CDH6: variants seen among roughly 807,000 people sequenced by gnomAD.
The protein encoded by CDH6 is cadherin-6.
In CDH6, 31 loss-of-function variants were observed where a neutral mutation model predicts 78.0. The observed-to-expected ratio is 0.40, with a 90% confidence interval of 0.30 to 0.54. CDH6 has a LOEUF of 0.54. Among genes scored for constraint, CDH6 ranks in the 20% least tolerant of loss-of-function variants. The pLI is 0.56. For missense variants in CDH6, 724 were observed against 975.9 expected (o/e 0.74, Z 3.44); for synonymous variants, 376 against 368.8 (o/e 1.02, Z -0.23).
At chr5:31,298,159 G>A (rs1434756203) in intron 4 of CDH6, among the ~76,000 whole-genome samples, 1 of 152,138 alleles carries the variant, frequency 6.6e-6, no homozygotes, top group Non-Finnish European at 1.5e-5. Flanking sequence ...CCACAAAGTA[G>A]CAACCTATCT....
At chr5:31,223,891 G>A (rs1465478520) in intron 1 of CDH6, among the ~76,000 whole-genome samples, 12 of 152,178 alleles carry the variant, frequency 7.9e-5, no homozygotes, top group Admixed American at 7.9e-4. Context: ...CTGCCCTGCT[G>A]CATAGAGAAA....
chr5:31,252,986 C>T (rs1430618133), intron 1 of CDH6, among the ~76,000 whole-genome samples: 1 of 152,144 alleles, frequency 6.6e-6, no homozygotes, highest in East Asian at 1.9e-4. Flanking sequence ...GCTGTTATAA[C>T]AAAAATACCA....
chr5:31,328,375 T>C lies in CDH6; in HGVS notation c.*5067T>C, dbSNP rs1423679198. On this transcript the variant is annotated 3_prime_UTR_variant, in exon 12 of 12. Transcript: ENST00000265071. ...GGCACCTTCTCTAAGCTTTTAGTTT[T>C]CTATGATCTATTAGTTTAGTGTTTA... The C allele has an allele frequency of 1.0e-5, 2 of 200,292 alleles. No homozygotes were observed. The highest frequency in any genetic ancestry group is 2.1e-5 in the Non-Finnish European group (2 of 97,142). The allele number at this position is 200,292 out of a possible 1,614,324, so 12.4% of individuals were successfully genotyped here.
At chr5:31,305,501 A>G (rs1219485401) in intron 7 of CDH6, 74 bp downstream of exon 7, 3 of 1,446,572 alleles carry the variant, frequency 2.1e-6, no homozygotes, top group Middle Eastern at 1.8e-4. Flanking sequence ...CCTGCACTTG[A>G]GAAAAGATGA....
chr5:31,197,570 T>C (rs1478734531), intron 1 of CDH6, among the ~76,000 whole-genome samples: 3 of 152,212 alleles, frequency 2.0e-5, no homozygotes, highest in Non-Finnish European at 2.9e-5. Flanking sequence ...CTGGTTTAAA[T>C]ATTTTTCTGA....
intron 2 of CDH6, among the ~76,000 whole-genome samples, chr5:31,287,314 T>A (rs1488789854): frequency 6.6e-6 from 1 of 152,112 alleles, no homozygotes; most frequent in Non-Finnish European, 1.5e-5. Flanking sequence ...GAATGGAGAC[T>A]AAGATCAGTT....
chr5:31,214,485 C>T (rs1197357388), intron 1 of CDH6, among the ~76,000 whole-genome samples: 1 of 152,166 alleles, frequency 6.6e-6, no homozygotes, highest in Non-Finnish European at 1.5e-5. Context: ...AGGATGACTG[C>T]TCTCTGCAGA....
chr5:31,288,695 C>G (rs1489138181), intron 2 of CDH6, among the ~76,000 whole-genome samples: 1 of 152,146 alleles, frequency 6.6e-6, no homozygotes, highest in African/African-American at 2.4e-5. Flanking sequence ...GCTGTAATTC[C>G]TGTTTCTTTC....
At chr5:31,220,862 G>A (rs1164721988) in intron 1 of CDH6, among the ~76,000 whole-genome samples, 1 of 152,162 alleles carries the variant, frequency 6.6e-6, no homozygotes, top group Non-Finnish European at 1.5e-5. Context: ...GTCAGCATGG[G>A]TAAGGAGTGT....
intron 1 of CDH6, among the ~76,000 whole-genome samples, chr5:31,236,094 T>C (rs1020973101): frequency 1.3e-5 from 2 of 152,206 alleles, no homozygotes; most frequent in African/African-American, 4.8e-5. Context: ...TAAAAATATA[T>C]AACAATTTAT....
At chr5:31,296,777 C>G (rs932360500) in intron 3 of CDH6, among the ~76,000 whole-genome samples, 3 of 136,604 alleles carry the variant, frequency 2.2e-5, no homozygotes, top group African/African-American at 7.5e-5. Flanking sequence ...CTGTGATTTT[C>G]TATTCTATCC....
intron 7 of CDH6, among the ~76,000 whole-genome samples, chr5:31,306,750 A>T (rs1738002534): frequency 1.3e-5 from 2 of 152,140 alleles, no homozygotes; most frequent in Admixed American, 1.3e-4. Context: ...TGAAGCTTAC[A>T]TTCTAATTGG....
intron 1 of CDH6, among the ~76,000 whole-genome samples, chr5:31,209,880 C>A (rs1164743784): frequency 6.6e-6 from 1 of 152,014 alleles, no homozygotes; most frequent in East Asian, 1.9e-4. Context: ...TGGAGCTACA[C>A]CCTTCCATAT....
At chr5:31,289,812 G>A (rs1219687159) in intron 2 of CDH6, among the ~76,000 whole-genome samples, 1 of 152,108 alleles carries the variant, frequency 6.6e-6, no homozygotes, top group Non-Finnish European at 1.5e-5. Context: ...AAGTCAAGTT[G>A]GAATTCAGCA....
intron 1 of CDH6, among the ~76,000 whole-genome samples, chr5:31,236,005 C>A (rs969874885): frequency 6.6e-6 from 1 of 151,942 alleles, no homozygotes; most frequent in Admixed American, 6.6e-5. Flanking sequence ...TTTTAATTGC[C>A]AATAATTTAT....
chr5:31,316,818 A>T (rs1319658886), intron 9 of CDH6, among the ~76,000 whole-genome samples: 1 of 152,226 alleles, frequency 6.6e-6, no homozygotes, highest in Non-Finnish European at 1.5e-5. Context: ...GTGAAAATAG[A>T]AGTACACTGT....
intron 1 of CDH6, among the ~76,000 whole-genome samples, chr5:31,244,230 G>A (rs1741684625): frequency 1.3e-5 from 2 of 152,164 alleles, no homozygotes; most frequent in African/African-American, 4.8e-5. Flanking sequence ...ATGTAGACAA[G>A]GATAGAGATG....
In CDH6 at chr5:31,326,680, A is replaced by ATTTTTTTTTTTTTTTTT. The variant is rs750696655; in HGVS notation, c.*3372_*3373insTTTTTTTTTTTTTTTTT. The ATTTTTTTTTTTTTTTTT allele has an allele frequency of 1.5e-5, 2 of 130,318 alleles. 1 individual carries two copies. The allele number at this position is 130,318 out of a possible 1,614,324, so 8.1% of individuals were successfully genotyped here. A position where few individuals can be genotyped will look rare whatever the true frequency, so the allele number is the denominator to read the frequency against. ...CAAAGAGTTGTGCAGAAAATCTTAAAATTTTTTTTTTTTTTTTTTTTTTTT... is the reference window on the plus strand; with the variant it reads ...CAAAGAGTTGTGCAGAAAATCTTAAATTTTTTTTTTTTTTTTTATTTTTTTTTTTTTTTTTTTTTTTT... On this transcript the variant is annotated 3_prime_UTR_variant, in exon 12 of 12. Transcript: ENST00000265071.
chr5:31,280,344 C>T (rs1479821190), intron 2 of CDH6, among the ~76,000 whole-genome samples: 1 of 152,150 alleles, frequency 6.6e-6, no homozygotes, highest in African/African-American at 2.4e-5. Flanking sequence ...ACAAGCATTC[C>T]TCAGGTGATC....
Sources: gnomAD v4.1 joint callset for allele counts (sites outside exome capture counted in the v4.1 genomes callset) on GRCh38, gnomAD v4.1.1 for gene constraint, MANE v1.5 for transcripts, NCBI Gene and HGNC (gene_info 2026-07-23, HGNC 2026-07-21) for gene names.